The following RAPGEF2 variants were observed in gnomAD, a reference collection of about 807,000 sequenced individuals.
RAPGEF2 encodes PDZ domain containing guanine nucleotide exchange factor (GEF) 1.
RAPGEF2 carries 54 observed loss-of-function variants against 186.7 expected under a neutral mutation model. That is an observed-to-expected ratio of 0.29 (90% CI 0.23 to 0.36). RAPGEF2 has a LOEUF of 0.36. Ranked by LOEUF, RAPGEF2 falls within the 10% of genes least tolerant of loss-of-function variation. RAPGEF2 has a pLI of 1.00. For missense variants in RAPGEF2, 1,532 were observed against 2,045.0 expected (o/e 0.75, Z 4.84); for synonymous variants, 712 against 705.9 (o/e 1.01, Z -0.14).
At chr4:159,114,463 C>G (rs1190444525) in intron 1 of RAPGEF2, among the ~76,000 whole-genome samples, 1 of 152,056 alleles carries the variant, frequency 6.6e-6, no homozygotes, top group Admixed American at 6.6e-5. Context: ...TCTTGAACTC[C>G]TGGGCTCAAG....
rs201538211 is a variant in RAPGEF2 at position 159,352,886 on chromosome 4, T to A, written c.4067T>A (p.Ile1356Asn). The A allele has an allele frequency of 6.2e-7, 1 of 1,614,192 alleles. No homozygotes were observed. Among genetic ancestry groups the A allele is most frequent in the African/African-American group, 1.3e-5 (1 of 75,066 alleles). The change falls in exon 27 of 30, where the codon ATT becomes AAT. Residue 1356 changes from isoleucine (I) to asparagine (N), a missense_variant. Ile to Asn is a moderately radical substitution (Grantham distance 149, BLOSUM62 -3). Around this residue, in one of 4 missense-constraint regions of RAPGEF2, gnomAD observed 594 missense variants for 608.5 expected, o/e 0.98. Transcript: ENST00000691494. ...GGCAGGATGGAGAGGCGGACCATGATTGAACCTGATCAGTATAGCTTGGGG... is the reference window on the plus strand; with the variant it reads ...GGCAGGATGGAGAGGCGGACCATGAATGAACCTGATCAGTATAGCTTGGGG... ...GMGRMERRTM[I>N]EPDQYSLGSY...
intron 7 of RAPGEF2, among the ~76,000 whole-genome samples, chr4:159,271,327 A>G (rs967096934): frequency 6.6e-6 from 1 of 152,196 alleles, no homozygotes; most frequent in African/African-American, 2.4e-5. Flanking sequence ...GTAGAAATTG[A>G]TTTATGTAGT....
intron 1 of RAPGEF2, among the ~76,000 whole-genome samples, chr4:159,142,727 TCTTCTCTCTTATAAATAGTATGAGTAA>T (rs1299347767): frequency 2.6e-5 from 4 of 152,192 alleles, no homozygotes; most frequent in African/African-American, 9.6e-5. Flanking sequence ...TTTTAAAAAA[TCTTCTCTCTTATAAATAGTATGAGTAA>T]CAAATATTTA....
chr4:159,204,474 C>T (rs1418900639), intron 3 of RAPGEF2, among the ~76,000 whole-genome samples: 2 of 152,194 alleles, frequency 1.3e-5, no homozygotes, highest in Non-Finnish European at 1.5e-5. Flanking sequence ...GTATTTCCCT[C>T]ATGCCCATTA....
intron 29 of RAPGEF2, among the ~76,000 whole-genome samples, chr4:159,356,630 A>G (rs1020780823): frequency 6.6e-6 from 1 of 152,178 alleles, no homozygotes; most frequent in Non-Finnish European, 1.5e-5. Context: ...GCCAGGTGCG[A>G]TGGCTTACAC....
At chr4:159,205,539 A>G (rs1749879098) in intron 3 of RAPGEF2, among the ~76,000 whole-genome samples, 1 of 152,140 alleles carries the variant, frequency 6.6e-6, no homozygotes, top group Non-Finnish European at 1.5e-5. Flanking sequence ...CCCAAATCTC[A>G]TGTCAAATTG....
In RAPGEF2 at chr4:159,120,801, T is replaced by TAA. The variant is rs987881431; in HGVS notation, c.69+16571_69+16572dup. Among the ~76,000 whole-genome samples the TAA allele has an allele frequency of 7.2e-5, 11 of 152,292 alleles. No individual in the cohort carries two copies. The East Asian group carries it at 2.1e-3, about 29-fold the overall frequency. Reference sequence around the variant, plus strand: ...ACTATGTCTATCAGTCCCACTAAGCTAAGAGTTTATTGGGCTGAGACTTAC... The same window carrying TAA: ...ACTATGTCTATCAGTCCCACTAAGCTAAAAGAGTTTATTGGGCTGAGACTTAC... On this transcript the variant is annotated intron_variant, in intron 1 of 29. Coordinates refer to ENST00000691494, the MANE Select transcript of RAPGEF2 (RefSeq NM_001394067.2).
At chr4:159,243,890 G>A (rs562837382) in intron 7 of RAPGEF2, 99 bp downstream of exon 7, 46 of 915,642 alleles carry the variant, frequency 5.0e-5, no homozygotes, top group Middle Eastern at 2.6e-4. Flanking sequence ...GTTTTGCTTC[G>A]TCTTGTCCTT....
intron 2 of RAPGEF2, among the ~76,000 whole-genome samples, chr4:159,188,633 C>T (rs1232248342): frequency 7.2e-6 from 1 of 138,692 alleles, no homozygotes; most frequent in Non-Finnish European, 1.5e-5. Context: ...CACCGCACTC[C>T]AGCCTGGGCA....
intron 1 of RAPGEF2, among the ~76,000 whole-genome samples, chr4:159,180,895 GA>G (rs1196157485): frequency 1.3e-5 from 2 of 152,070 alleles, no homozygotes; most frequent in African/African-American, 4.8e-5. Flanking sequence ...TTATGTCAGT[GA>G]ATTATAGGTG....
At chr4:159,181,786 C>T (rs941202105) in intron 1 of RAPGEF2, among the ~76,000 whole-genome samples, 4 of 152,176 alleles carry the variant, frequency 2.6e-5, no homozygotes, top group African/African-American at 9.7e-5. Context: ...ATCCACCCGC[C>T]TCGGCCTCCC....
At chr4:159,180,109 C>A (rs998815150) in intron 1 of RAPGEF2, among the ~76,000 whole-genome samples, 1 of 152,122 alleles carries the variant, frequency 6.6e-6, no homozygotes, top group Non-Finnish European at 1.5e-5. Flanking sequence ...TGCTTAGTCC[C>A]GCTTGCTTTT....
chr4:159,104,125 A>G lies in RAPGEF2; in HGVS notation c.-38A>G. On this transcript the variant is annotated 5_prime_UTR_variant, in exon 1 of 30. Coordinates refer to ENST00000691494, the MANE Select transcript of RAPGEF2 (RefSeq NM_001394067.2). The stretch of plus-strand genomic sequence containing the variant: ...GCGCTGGGCCGGGAGGAGGCCGGCC[A>G]GGGTGCGGAGCGGCCCCGGCCCGCT... 2 of 1,392,970 alleles carry G rather than the reference A, an allele frequency of 1.4e-6. No homozygotes were observed. Among genetic ancestry groups the G allele is most frequent in the East Asian group, 6.2e-5 (2 of 32,506 alleles). 86.3% of individuals were successfully genotyped at this position (1,392,970 alleles called of 1,614,324 possible). A position where few individuals can be genotyped will look rare whatever the true frequency, so the allele number is the denominator to read the frequency against.
At chr4:159,244,102 A>G (rs1257233927) in intron 7 of RAPGEF2, among the ~76,000 whole-genome samples, 2 of 151,986 alleles carry the variant, frequency 1.3e-5, no homozygotes, top group Non-Finnish European at 2.9e-5. Context: ...CAAATAAAAA[A>G]ATGAAGAGAG....
At chr4:159,314,514 G>A (rs1764314955) in intron 8 of RAPGEF2, 77 bp from the exon 9 acceptor site, 5 of 1,311,266 alleles carry the variant, frequency 3.8e-6, no homozygotes, top group Non-Finnish European at 5.1e-6. Flanking sequence ...TTTTGAATGA[G>A]GCTTGCTCTT....
intron 4 of RAPGEF2, among the ~76,000 whole-genome samples, chr4:159,236,481 A>G (rs1342301842): frequency 6.6e-6 from 1 of 152,216 alleles, no homozygotes; most frequent in East Asian, 1.9e-4. Context: ...ATTTATGTGA[A>G]CATTAACATC....
chr4:159,299,394 G>T (rs113893839), intron 7 of RAPGEF2, among the ~76,000 whole-genome samples: 118 of 150,288 alleles, frequency 7.9e-4, no homozygotes, highest in African/African-American at 2.3e-3. Context: ...AGATGATGAT[G>T]ATATGTATCT....
chr4:159,230,664 T>C (rs1428619867), intron 4 of RAPGEF2, among the ~76,000 whole-genome samples: 1 of 152,188 alleles, frequency 6.6e-6, no homozygotes, highest in Non-Finnish European at 1.5e-5. Context: ...AAGCTCTTTA[T>C]GGTCATTTGT....
chr4:159,245,261 A>G (rs1203097034), intron 7 of RAPGEF2, among the ~76,000 whole-genome samples: 1 of 152,084 alleles, frequency 6.6e-6, no homozygotes, highest in Non-Finnish European at 1.5e-5. Context: ...AGGCAAGTGT[A>G]TGAGGTTTGC....
Sources: allele counts gnomAD v4.1 joint callset (sites outside exome capture counted in the v4.1 genomes callset), GRCh38; gene constraint gnomAD v4.1.1; regional missense constraint gnomAD v4.1.1; transcripts MANE v1.5; gene names NCBI Gene and HGNC (gene_info 2026-07-23, HGNC 2026-07-21).